THEMIS: variants seen among roughly 807,000 people sequenced by gnomAD.
THEMIS encodes thymocyte selection associated, also known as protein THEMIS.
A neutral mutation model predicts 52.6 loss-of-function variants in THEMIS; 37 were observed. That is an observed-to-expected ratio of 0.70 (90% CI 0.54 to 0.93). The LOEUF (loss-of-function observed/expected upper bound fraction) is 0.93. Among genes scored for constraint, THEMIS ranks in the 40% least tolerant of loss-of-function variants. The pLI is 0.00. For synonymous variants in THEMIS, 292 were observed against 272.7 expected, an observed-to-expected ratio of 1.07 and a Z score of -0.70; for missense variants, 808 against 763.1, an observed-to-expected ratio of 1.06 and a Z score of -0.69.
intron 5 of THEMIS, 42 bp downstream of exon 5, chr6:127,719,646 T>A: frequency 1.3e-6 from 2 of 1,556,892 alleles, no homozygotes; most frequent in Non-Finnish European, 1.7e-6. Context: ...ATGTGGACAG[T>A]TAAACCACCG....
At chr6:127,913,497 G>C (rs1457563084) in intron 1 of THEMIS, among the ~76,000 whole-genome samples, 1 of 152,124 alleles carries the variant, frequency 6.6e-6, no homozygotes, top group African/African-American at 2.4e-5. Context: ...GAATGGACTT[G>C]ACATATTTGT....
At chr6:127,845,585 C>G (rs960709488) in intron 2 of THEMIS, among the ~76,000 whole-genome samples, 2 of 151,862 alleles carry the variant, frequency 1.3e-5, no homozygotes, top group Non-Finnish European at 2.9e-5. Flanking sequence ...ATCTTCAAAG[C>G]TCAATCCCAG....
At chr6:127,770,046 A>G (rs1043123018) in intron 4 of THEMIS, among the ~76,000 whole-genome samples, 2 of 152,206 alleles carry the variant, frequency 1.3e-5, no homozygotes, top group African/African-American at 4.8e-5. Flanking sequence ...AGTTGGTTCC[A>G]AGTCGTTGCT....
At chr6:127,789,233 A>G (rs910057843) in intron 4 of THEMIS, among the ~76,000 whole-genome samples, 2 of 152,222 alleles carry the variant, frequency 1.3e-5, no homozygotes, top group African/African-American at 4.8e-5. Context: ...ACTATCAGAG[A>G]ATACTATAAA....
intron 4 of THEMIS, among the ~76,000 whole-genome samples, chr6:127,747,879 T>G (rs2114319982): frequency 6.6e-6 from 1 of 152,188 alleles, no homozygotes; most frequent in East Asian, 1.9e-4. Context: ...TCTTTTTTTC[T>G]GAAACATCCT....
intron 3 of THEMIS, among the ~76,000 whole-genome samples, chr6:127,818,712 T>A (rs1166549526): frequency 6.6e-6 from 1 of 152,064 alleles, no homozygotes; most frequent in Non-Finnish European, 1.5e-5. Context: ...ACTTAAAATT[T>A]AATAATAATG....
chr6:127,765,582 A>G (rs371715324), intron 4 of THEMIS, among the ~76,000 whole-genome samples: 2 of 152,160 alleles, frequency 1.3e-5, no homozygotes, highest in Admixed American at 6.5e-5. Context: ...GTATACAGTC[A>G]TGTGCCACAT....
chr6:127,806,887 C>G (rs1777729777), intron 4 of THEMIS, among the ~76,000 whole-genome samples: 1 of 152,236 alleles, frequency 6.6e-6, no homozygotes, highest in Non-Finnish European at 1.5e-5. Flanking sequence ...GTTTGGCTAA[C>G]TTTCAACCCA....
At chr6:127,913,732 A>C (rs1054713721) in intron 1 of THEMIS, among the ~76,000 whole-genome samples, 1 of 152,250 alleles carries the variant, frequency 6.6e-6, no homozygotes, top group Admixed American at 6.5e-5. Context: ...TATGAACTTC[A>C]TAAATAAGCT....
intron 4 of THEMIS, among the ~76,000 whole-genome samples, chr6:127,789,107 G>A (rs1401359689): frequency 6.6e-6 from 1 of 152,128 alleles, no homozygotes; most frequent in East Asian, 1.9e-4. Flanking sequence ...TTTTTGAAAA[G>A]ATTAACAAAA....
At chr6:127,702,312 A>G in the THEMIS span, among the ~76,000 whole-genome samples, 1 of 152,152 alleles carries the variant, frequency 6.6e-6, no homozygotes, top group African/African-American at 2.4e-5. Flanking sequence ...AGTTGTAAGG[A>G]AATTACTTCT....
At chr6:127,890,329 T>A (rs1419188262) in intron 1 of THEMIS, among the ~76,000 whole-genome samples, 1 of 152,164 alleles carries the variant, frequency 6.6e-6, no homozygotes, top group East Asian at 1.9e-4. Context: ...CTGCTAAAAA[T>A]AGATTGATAG....
At chr6:127,882,282 A>C (rs1178480491) in intron 1 of THEMIS, among the ~76,000 whole-genome samples, 1 of 151,852 alleles carries the variant, frequency 6.6e-6, no homozygotes, top group Non-Finnish European at 1.5e-5. Context: ...ATTTGTGCTC[A>C]ATTATTTTGC....
intron 2 of THEMIS, among the ~76,000 whole-genome samples, chr6:127,852,282 A>G (rs1452823522): frequency 2.6e-5 from 4 of 151,644 alleles, no homozygotes; most frequent in Admixed American, 1.3e-4. Flanking sequence ...AAACAATTCA[A>G]CAATAGTAGC....
rs748194810 is a variant in THEMIS, at chr6:127,813,591, T to G, written c.1050A>C (p.Pro350=). 1 of 1,614,086 alleles carries G rather than the reference T, an allele frequency of 6.2e-7. No individual in the cohort carries two copies. Among genetic ancestry groups the G allele is most frequent in the South Asian group, 1.1e-5 (1 of 91,084 alleles). Residue 350 remains proline, a synonymous_variant, in exon 4 of 6, where the codon CCA becomes CCC. Transcript: ENST00000368248. Reference sequence around the variant, plus strand: ...TAGCGATCTCTAGGTCATAGGCCGTTGGGAACTCCCTCGGTCGCCGCTTGA... The same window carrying G: ...TAGCGATCTCTAGGTCATAGGCCGTGGGGAACTCCCTCGGTCGCCGCTTGA... ...GKFKRRPREF[P]TAYDLEIAKS... is the part of the protein sequence containing the mutation.
chr6:127,846,322 G>A (rs1779212872), intron 2 of THEMIS, among the ~76,000 whole-genome samples: 1 of 151,826 alleles, frequency 6.6e-6, no homozygotes, highest in Non-Finnish European at 1.5e-5. Flanking sequence ...AGAAGGCAAA[G>A]GAACAAGAAA....
intron 1 of THEMIS, among the ~76,000 whole-genome samples, chr6:127,896,753 G>A (rs905434935): frequency 6.6e-6 from 1 of 151,552 alleles, no homozygotes; most frequent in African/African-American, 2.4e-5. Context: ...AAAACTGATG[G>A]TGATGCCTTA....
At chr6:127,910,668 G>T (rs1781389859) in intron 1 of THEMIS, among the ~76,000 whole-genome samples, 1 of 152,094 alleles carries the variant, frequency 6.6e-6, no homozygotes, top group Admixed American at 6.6e-5. Context: ...TCATAGAAAA[G>T]TTGCAGAGAT....
chr6:127,822,194 A>T (rs189519147), intron 3 of THEMIS, among the ~76,000 whole-genome samples: 3 of 152,068 alleles, frequency 2.0e-5, no homozygotes, highest in Admixed American at 6.6e-5. Flanking sequence ...ATTATAGGGC[A>T]GTTATTAGAT....
Sources: gnomAD v4.1 joint callset for allele counts (sites outside exome capture counted in the v4.1 genomes callset) on GRCh38, gnomAD v4.1.1 for gene constraint, MANE v1.5 for transcripts, NCBI Gene and HGNC (gene_info 2026-07-23, HGNC 2026-07-21) for gene names.